The following L2HGDH variants were observed in gnomAD, a reference collection of about 807,000 sequenced individuals.
L2HGDH encodes L-2-hydroxyglutarate dehydrogenase, also known as L-2-hydroxyglutarate dehydrogenase, mitochondrial.
In L2HGDH, 34 loss-of-function variants were observed where a neutral mutation model predicts 51.5. That is an observed-to-expected ratio of 0.66 (90% CI 0.50 to 0.88). L2HGDH has a LOEUF of 0.88. L2HGDH is among the 40% of genes least tolerant of loss of function. L2HGDH has a pLI of 0.00. For synonymous variants in L2HGDH, 198 were observed against 197.9 expected, an observed-to-expected ratio of 1.00 and a Z score of -0.01; for missense variants, 558 against 571.9, an observed-to-expected ratio of 0.98 and a Z score of 0.25.
At chr14:50,262,370 T>G (rs1889078911) in intron 9 of L2HGDH, among the ~76,000 whole-genome samples, 1 of 149,862 alleles carries the variant, frequency 6.7e-6, no homozygotes, top group African/African-American at 2.5e-5. Flanking sequence ...TCGGAGGTTG[T>G]AGTAAGCCGA....
rs191557437 is a variant in L2HGDH, at chr14:50,255,260, A to C, written c.1197-8007T>G. Among the ~76,000 whole-genome samples the C allele has an allele frequency of 3.0e-3, 459 of 151,914 alleles. 2 individuals carry two copies. Among genetic ancestry groups the C allele is most frequent in the African/African-American group, 0.01 (423 of 41,468 alleles). On this transcript the variant is annotated intron_variant, in intron 9 of 9. Coordinates refer to ENST00000267436, the MANE Select transcript of L2HGDH (RefSeq NM_024884.3). ...ATTATTATTTGAAATCTCAGCCAGG[A>C]AAGGTGGCTCCCGCCTGTAATCCCA... is the stretch of plus-strand genomic sequence containing the variant.
At chr14:50,282,839 G>A (rs112959290) in intron 5 of L2HGDH, among the ~76,000 whole-genome samples, 5 of 151,978 alleles carry the variant, frequency 3.3e-5, no homozygotes, top group African/African-American at 1.2e-4. Flanking sequence ...CCAGGAGTTC[G>A]AGAGCAGCAT....
chr14:50,248,677 T>C (rs1213640408), intron 9 of L2HGDH, among the ~76,000 whole-genome samples: 1 of 152,198 alleles, frequency 6.6e-6, no homozygotes, highest in East Asian at 1.9e-4. Context: ...GCAGGGAATC[T>C]GGACAAGAGA....
chr14:50,290,453 C>G (rs961303356), intron 4 of L2HGDH, among the ~76,000 whole-genome samples: 4 of 152,186 alleles, frequency 2.6e-5, no homozygotes, highest in Non-Finnish European at 4.4e-5. Context: ...GCATTCTGCT[C>G]AAGTCCTTCG....
At chr14:50,280,998 G>C (rs923283782) in intron 5 of L2HGDH, among the ~76,000 whole-genome samples, 1 of 151,858 alleles carries the variant, frequency 6.6e-6, no homozygotes, top group Non-Finnish European at 1.5e-5. Flanking sequence ...AAAATTTTTT[G>C]TAGAGGCAGG....
chr14:50,272,126 G>A (rs1212631461), intron 6 of L2HGDH, among the ~76,000 whole-genome samples: 1 of 152,212 alleles, frequency 6.6e-6, no homozygotes, highest in Non-Finnish European at 1.5e-5. Context: ...GGGTAACAGA[G>A]TGAGACTGTC....
intron 4 of L2HGDH, among the ~76,000 whole-genome samples, chr14:50,289,186 C>T (rs1333379174): frequency 2.0e-5 from 3 of 152,050 alleles, no homozygotes; most frequent in Non-Finnish European, 4.4e-5. Flanking sequence ...AAACAACCAG[C>T]CCTTATATCA....
At position 50,245,438 on chromosome 14, in the gene L2HGDH, A is replaced by G. The variant is rs17122314; in HGVS notation, c.*1620T>C. ...TGTTTAGATTTCATGATGATACCATACCACATCAGTTACAAAGAGACTGGA... is the reference window on the plus strand; with the variant it reads ...TGTTTAGATTTCATGATGATACCATGCCACATCAGTTACAAAGAGACTGGA... On this transcript the variant is annotated 3_prime_UTR_variant, in exon 10 of 10. Coordinates refer to ENST00000267436, the MANE Select transcript of L2HGDH (RefSeq NM_024884.3). The G allele has an allele frequency of 7.0e-3, 6,918 of 984,918 alleles. 347 individuals are homozygous for G. The African/African-American group carries it at 0.11, about 15-fold the overall frequency. 61.0% of individuals were successfully genotyped at this position (984,918 alleles called of 1,614,324 possible).
intron 6 of L2HGDH, among the ~76,000 whole-genome samples, chr14:50,272,653 G>C (rs1016991692): frequency 5.3e-5 from 8 of 152,110 alleles, no homozygotes; most frequent in African/African-American, 1.7e-4. Context: ...TTATTAACTG[G>C]GTGGTGTTGT....
intron 1 of L2HGDH, among the ~76,000 whole-genome samples, chr14:50,304,423 C>T (rs1239902930): frequency 6.6e-6 from 1 of 152,218 alleles, no homozygotes; most frequent in Non-Finnish European, 1.5e-5. Context: ...AGAATTTTTA[C>T]AAGTTTTTCT....
At chr14:50,269,122 C>T in intron 7 of L2HGDH, 41 bp downstream of exon 7, 6 of 1,537,934 alleles carry the variant, frequency 3.9e-6, no homozygotes, top group Admixed American at 1.7e-5. Flanking sequence ...TGACCACCAC[C>T]TGCTTGAAAA....
intron 4 of L2HGDH, among the ~76,000 whole-genome samples, chr14:50,290,292 C>CA (rs1347941923): frequency 1.3e-5 from 2 of 151,314 alleles, no homozygotes; most frequent in Non-Finnish European, 3.0e-5. Flanking sequence ...AACAAACAAA[C>CA]AAAAAAAACT....
chr14:50,295,343 C>T (rs1201958492), intron 3 of L2HGDH, among the ~76,000 whole-genome samples: 1 of 151,992 alleles, frequency 6.6e-6, no homozygotes, highest in African/African-American at 2.4e-5. Flanking sequence ...CCACTGCACT[C>T]CAGCCTAGGC....
chr14:50,272,253 T>C (rs753986422), intron 6 of L2HGDH, among the ~76,000 whole-genome samples: 1 of 152,218 alleles, frequency 6.6e-6, no homozygotes, highest in Non-Finnish European at 1.5e-5. Flanking sequence ...AAATAAAGAA[T>C]GGCAACTCTG....
At chr14:50,256,099 A>G (rs989708297) in intron 9 of L2HGDH, among the ~76,000 whole-genome samples, 1 of 152,202 alleles carries the variant, frequency 6.6e-6, no homozygotes, top group Admixed American at 6.6e-5. Flanking sequence ...TTATTGTCAT[A>G]TGTCAAGCAT....
intron 9 of L2HGDH, 77 bp from the exon 10 acceptor site, chr14:50,247,330 T>C: frequency 6.4e-7 from 1 of 1,551,278 alleles, no homozygotes; most frequent in South Asian, 1.2e-5. Flanking sequence ...CAAAAAGTCT[T>C]AAAGCAATAA....
At chr14:50,305,068 G>A (rs948168132) in intron 1 of L2HGDH, among the ~76,000 whole-genome samples, 5 of 152,196 alleles carry the variant, frequency 3.3e-5, no homozygotes, top group Admixed American at 1.3e-4. Flanking sequence ...ATCTTTGGCT[G>A]TATCTGGAAC....
chr14:50,307,461 G>C (rs2030798424), intron 1 of L2HGDH, among the ~76,000 whole-genome samples: 1 of 152,188 alleles, frequency 6.6e-6, no homozygotes, highest in Non-Finnish European at 1.5e-5. Context: ...GAATGCTGGA[G>C]GACAGTTGCA....
intron 9 of L2HGDH, among the ~76,000 whole-genome samples, chr14:50,263,640 A>C (rs1203223396): frequency 6.6e-6 from 1 of 152,222 alleles, no homozygotes; most frequent in Non-Finnish European, 1.5e-5. Flanking sequence ...CTCAAAGTAC[A>C]CTGCTGATTA....
Sources: gnomAD v4.1 joint callset for allele counts (sites outside exome capture counted in the v4.1 genomes callset) on GRCh38, gnomAD v4.1.1 for gene constraint, MANE v1.5 for transcripts, NCBI Gene and HGNC (gene_info 2026-07-23, HGNC 2026-07-21) for gene names.